Variants in TEP1 observed in about 807,000 individuals in gnomAD.
The protein encoded by TEP1 is telomerase protein component 1.
A neutral mutation model predicts 306.3 loss-of-function variants in TEP1; 241 were observed. The observed-to-expected ratio is 0.79, with a 90% CI of 0.71 to 0.88. The LOEUF is 0.88. TEP1 is among the 40% of genes least tolerant of loss of function. The probability of loss-of-function intolerance (pLI) is 0.00; values close to 1 mark genes in which losing one functional copy is unlikely to be tolerated. For synonymous variants in TEP1, 1,289 were observed against 1,305.5 expected (o/e 0.99, Z 0.27); for missense variants, 3,051 against 3,276.1 (o/e 0.93, Z 1.68).
At chr14:20,387,445 G>A (rs548235408) in intron 18 of TEP1, among the ~76,000 whole-genome samples, 14 of 150,678 alleles carry the variant, frequency 9.3e-5, no homozygotes, top group South Asian at 2.1e-4. Flanking sequence ...CCAGCTACTC[G>A]GGAGGCTGAG....
chr14:20,385,425 T>G (rs537348800), intron 20 of TEP1, among the ~76,000 whole-genome samples: 1 of 152,050 alleles, frequency 6.6e-6, no homozygotes, highest in South Asian at 2.1e-4. Flanking sequence ...CAGGCTGGAG[T>G]GCAATGGCGC....
At chr14:20,371,338 T>A in intron 50 of TEP1, 24 bp from the exon 51 acceptor site, 1 of 1,609,160 alleles carries the variant, frequency 6.2e-7, no homozygotes, top group African/African-American at 1.3e-5. Flanking sequence ...AAGGAATAGG[T>A]TGAGCTCAGG....
chr14:20,399,785 A>C (rs1295997548), intron 9 of TEP1, among the ~76,000 whole-genome samples: 1 of 152,144 alleles, frequency 6.6e-6, no homozygotes, highest in Non-Finnish European at 1.5e-5. Context: ...ATGACATTAA[A>C]AGAATAAATT....
In TEP1 at chr14:20,380,942, T is replaced by C. The variant is rs770549335; in HGVS notation, c.4751A>G (p.His1584Arg). 5.6e-6 allele frequency: 9 copies of C among 1,613,892 alleles called. No homozygotes were observed. The highest frequency in any genetic ancestry group is 1.7e-4 in the Middle Eastern group (1 of 6,036). Reference sequence around the variant, plus strand: ...GTGACTCATCTCACCATAGAGGGCATGGGCCTCCAAGAGCCGAGAGACCAG... The same window carrying C: ...GTGACTCATCTCACCATAGAGGGCACGGGCCTCCAAGAGCCGAGAGACCAG... ...LGLVSRLLEAHALYASSVPKE... is the reference protein window; with the variant it reads ...LGLVSRLLEARALYASSVPKE... Residue 1584 changes from histidine to arginine, a missense_variant, in exon 33 of 55, where the codon CAT becomes CGT. By Grantham distance (29) the His-to-Arg change is conservative. Transcript: ENST00000262715.
Position 20,371,223 on chromosome 14 carries a change from A to G in TEP1, c.7312T>C (p.Phe2438Leu), listed in dbSNP as rs761255001. ...CACACTCAAATAGGACTTACCAAGA[A>G]AGAAAGAACTCCAGGATCCTTGGGC... Reference protein sequence around the residue: ...LQPKDPGVLSFLRQKESGEFE... With the variant: ...LQPKDPGVLSLLRQKESGEFE... Residue 2438 changes from phenylalanine to leucine, a missense_variant, in exon 51 of 55, where the codon TTC (phenylalanine) becomes CTC (leucine). Phe to Leu is a conservative substitution (Grantham distance 22). Around this residue, in one of 3 missense-constraint regions of TEP1, gnomAD observed 1,540 missense variants for 1,705.9 expected, o/e 0.90. Transcript: ENST00000262715. 1 of 1,613,704 alleles carries G rather than the reference A, an allele frequency of 6.2e-7. No individual in the cohort carries two copies. The highest frequency in any genetic ancestry group is 1.1e-5 in the South Asian group (1 of 91,078).
intron 7 of TEP1, 134 bp from the exon 8 acceptor site, chr14:20,401,715 A>T: frequency 3.0e-6 from 4 of 1,334,578 alleles, no homozygotes; most frequent in Non-Finnish European, 4.1e-6. Flanking sequence ...TTGGCCAAGG[A>T]GCAGGAATAG....
intron 44 of TEP1, among the ~76,000 whole-genome samples, 166 bp from the exon 45 acceptor site, chr14:20,373,976 G>C (rs1262204127): frequency 6.6e-6 from 1 of 152,128 alleles, no homozygotes; most frequent in African/African-American, 2.4e-5. Flanking sequence ...GGGGTCGGGT[G>C]GCTCAAGTTC....
Position 20,368,378 on chromosome 14 carries a change from T to G in TEP1, c.*59A>C. ...TTTTATAATTATTAAAAGCTACCAG[T>G]GTCTTCAGGCTTTGCATCTCTAGCA... On this transcript the variant is annotated 3_prime_UTR_variant, in exon 55 of 55. Transcript: ENST00000262715. 1 of 1,549,858 alleles carries G rather than the reference T, an allele frequency of 6.5e-7. No individual in the cohort carries two copies. The highest frequency in any genetic ancestry group is 1.4e-5 in the African/African-American group (1 of 73,538).
At chr14:20,380,549 T>G (rs1885472370) in intron 33 of TEP1, 74 bp from the exon 34 acceptor site, 6 of 1,529,534 alleles carry the variant, frequency 3.9e-6, no homozygotes, top group South Asian at 3.8e-5. Context: ...TAAAACCATA[T>G]GGTGTGTCTA....
intron 41 of TEP1, among the ~76,000 whole-genome samples, chr14:20,376,728 A>G (rs1885197628): frequency 6.6e-6 from 1 of 152,256 alleles, no homozygotes; most frequent in South Asian, 2.1e-4. Context: ...CACGGGGCAG[A>G]AACTCAAAGG....
intron 9 of TEP1, among the ~76,000 whole-genome samples, chr14:20,397,805 G>A (rs867126123): frequency 3.3e-5 from 5 of 152,020 alleles, no homozygotes; most frequent in Middle Eastern, 6.8e-3. Flanking sequence ...CCAGGCTAGA[G>A]TGTGGTGGTG....
rs766720048 is a variant in TEP1 at position 20,404,743 on chromosome 14, G to T, written c.900C>A (p.Asn300Lys). 1 of 1,612,778 alleles carries T rather than the reference G, an allele frequency of 6.2e-7. No individual in the cohort carries two copies. The highest frequency in any genetic ancestry group is 8.5e-7 in the Non-Finnish European group (1 of 1,179,254). The change falls in exon 5 of 55, where the codon AAC (asparagine) becomes AAA (lysine). Residue 300 changes from asparagine to lysine, a missense_variant. Physicochemically the swap from Asn to Lys is moderately conservative, Grantham distance 94 (BLOSUM62 0). Around this residue, in one of 3 missense-constraint regions of TEP1, gnomAD observed 1,507 missense variants for 1,550.5 expected, o/e 0.97. Transcript: ENST00000262715. Reference protein sequence around the residue: ...KASLYARQQLNVRNVANNILA... With the variant: ...KASLYARQQLKVRNVANNILA... Reference sequence around the variant, plus strand: ...AGATGTTATTGGCCACATTCCGGACGTTCAGCTGCTGCCTGGCATACAAAG... The same window carrying T: ...AGATGTTATTGGCCACATTCCGGACTTTCAGCTGCTGCCTGGCATACAAAG...
chr14:20,380,724 G>A (rs1387459029), intron 33 of TEP1, among the ~76,000 whole-genome samples: 1 of 152,222 alleles, frequency 6.6e-6, no homozygotes, highest in Non-Finnish European at 1.5e-5. Context: ...ACTAAATAAA[G>A]TTGAAGAATC....
At chr14:20,401,866 C>T (rs1878785369) in intron 7 of TEP1, among the ~76,000 whole-genome samples, 1 of 152,124 alleles carries the variant, frequency 6.6e-6, no homozygotes, top group Admixed American at 6.6e-5. Flanking sequence ...AGAATGAACA[C>T]AGGACAGCTT....
At position 20,368,334 on chromosome 14, in the gene TEP1, A is replaced by C; in HGVS notation, c.*103T>G. On this transcript the variant is annotated 3_prime_UTR_variant, in exon 55 of 55. Coordinates refer to ENST00000262715, the MANE Select transcript of TEP1 (RefSeq NM_007110.5). ...GATTTTTTGACACTTCATTTTTATA[A>C]TTATCAAGAAATTATTAATTTTATA... 1.5e-6 allele frequency: 2 copies of C among 1,360,010 alleles called. No individual in the cohort carries two copies. The highest frequency in any genetic ancestry group is 2.0e-6 in the Non-Finnish European group (2 of 1,018,642). 84.2% of individuals were successfully genotyped at this position (1,360,010 alleles called of 1,614,324 possible).
chr14:20,389,866 C>T, intron 15 of TEP1, 126 bp from the exon 16 acceptor site: 1 of 1,275,944 alleles, frequency 7.8e-7, no homozygotes, highest in Non-Finnish European at 1.1e-6. Context: ...CCTGAGAGCA[C>T]ATAGAATGAG....
rs547863529 is a variant in TEP1 at position 20,381,291 on chromosome 14, T to C, written c.4647+22A>G. ...CAAAGCACTCACTTTGGGAAAGGTGTCTATGGGGTCTAGGAACTAACCAGG... is the reference window on the plus strand; with the variant it reads ...CAAAGCACTCACTTTGGGAAAGGTGCCTATGGGGTCTAGGAACTAACCAGG... On this transcript the variant is annotated intron_variant, in intron 32 of 54. Transcript: ENST00000262715. The surrounding 1 kb of genome is among the most constrained non-coding windows in gnomAD (Gnocchi z 4.0). The C allele has an allele frequency of 1.2e-5, 19 of 1,612,566 alleles. No homozygotes were observed. In the Admixed American group the frequency reaches 1.7e-4, roughly 14 times the overall value.
intron 1 of TEP1, among the ~76,000 whole-genome samples, chr14:20,411,513 A>G (rs535954018): frequency 6.6e-5 from 10 of 152,252 alleles, no homozygotes; most frequent in Admixed American, 6.5e-4. Flanking sequence ...TTGTTTTCAC[A>G]ACACCCATAT....
In TEP1 at chr14:20,373,052, G is replaced by T; in HGVS notation, c.6910C>A (p.Leu2304Ile). ...GCCTTAGCTTCCTGCCACAAGATTA[G>T]TTCCCCAGCTTGATTTCCAGATACT... ...MAVSGNQAGELILWQEAKAVA... is the reference protein window; with the variant it reads ...MAVSGNQAGEIILWQEAKAVA... The change falls in exon 48 of 55, where the codon CTA (leucine) becomes ATA (isoleucine). Residue 2304 changes from leucine to isoleucine, a missense_variant. Physicochemically the swap from Leu to Ile is conservative, Grantham distance 5. This residue lies in a region of TEP1 where 1,540 missense variants were observed against 1,705.9 expected (regional missense o/e 0.90). Transcript: ENST00000262715. 1 of 1,614,206 alleles carries T rather than the reference G, an allele frequency of 6.2e-7. No homozygotes were observed. The highest frequency in any genetic ancestry group is 8.5e-7 in the Non-Finnish European group (1 of 1,180,042).
Sources: gnomAD v4.1 joint callset for allele counts (sites outside exome capture counted in the v4.1 genomes callset) on GRCh38, gnomAD v4.1.1 for gene constraint, gnomAD v4.1.1 regional missense constraint, Gnocchi (gnomAD v3.1) non-coding constraint, MANE v1.5 for transcripts, NCBI Gene and HGNC (gene_info 2026-07-23, HGNC 2026-07-21) for gene names.